The following DDR2 variants were observed in gnomAD, a reference collection of about 807,000 sequenced individuals.
The protein encoded by DDR2 is discoidin domain receptor tyrosine kinase 2.
A neutral mutation model predicts 94.9 loss-of-function variants in DDR2; 27 were observed. The observed-to-expected ratio is 0.28, with a 90% CI of 0.21 to 0.39. The LOEUF is 0.39. Ranked by LOEUF, DDR2 falls within the 10% of genes least tolerant of loss-of-function variation. DDR2 has a pLI of 1.00. For synonymous variants in DDR2, 382 were observed against 377.2 expected (o/e 1.01, Z -0.15); for missense variants, 783 against 1,076.0 (o/e 0.73, Z 3.81).
intron 3 of DDR2, among the ~76,000 whole-genome samples, chr1:162,747,364 C>T (rs780693511): frequency 9.9e-5 from 15 of 152,128 alleles, no homozygotes; most frequent in Non-Finnish European, 1.8e-4. Flanking sequence ...ACGAGAACTA[C>T]GTGATGCATG....
At chr1:162,717,197 C>T (rs1201794783) in intron 2 of DDR2, among the ~76,000 whole-genome samples, 1 of 151,954 alleles carries the variant, frequency 6.6e-6, no homozygotes, top group Non-Finnish European at 1.5e-5. Context: ...CACCAAGCCT[C>T]GCTAATTTTT....
chr1:162,671,406 G>A (rs1658832214), intron 2 of DDR2, among the ~76,000 whole-genome samples: 1 of 152,180 alleles, frequency 6.6e-6, no homozygotes, highest in Non-Finnish European at 1.5e-5. Context: ...TTAATAAATA[G>A]CAATGATCAT....
intron 3 of DDR2, among the ~76,000 whole-genome samples, chr1:162,719,911 T>C (rs983970225): frequency 6.6e-6 from 1 of 152,130 alleles, no homozygotes; most frequent in African/African-American, 2.4e-5. Context: ...GGGGCAACTT[T>C]GCTGTGTTCT....
At chr1:162,733,897 G>T (rs886990796) in intron 3 of DDR2, among the ~76,000 whole-genome samples, 1 of 152,170 alleles carries the variant, frequency 6.6e-6, no homozygotes, top group Non-Finnish European at 1.5e-5. Flanking sequence ...CCCATACCAC[G>T]TTTTAGTATT....
chr1:162,646,590 C>A (rs1356381504), intron 1 of DDR2, among the ~76,000 whole-genome samples: 1 of 152,180 alleles, frequency 6.6e-6, no homozygotes, highest in Non-Finnish European at 1.5e-5. Context: ...AACGCCCAAG[C>A]CTTACACACT....
intron 3 of DDR2, among the ~76,000 whole-genome samples, chr1:162,730,058 C>CTTTATAAA (rs1661953788): frequency 1.6e-5 from 1 of 64,188 alleles, no homozygotes; most frequent in Non-Finnish European, 3.1e-5. Context: ...TTTTTTTTTG[C>CTTTATAAA]AAAAAAAAAA....
In DDR2 at chr1:162,729,955, C is replaced by T. The variant is rs774504648; in HGVS notation, c.82+10810C>T. On this transcript the variant is annotated intron_variant, in intron 3 of 17. Coordinates refer to ENST00000367921, the MANE Select transcript of DDR2 (RefSeq NM_006182.4). The stretch of plus-strand genomic sequence containing the variant: ...ACGAGGTTTCTCCATGTTGGTCAGG[C>T]TGGTCTCGAACTCCCGACCTCAGGT... 8.0e-5 allele frequency among the ~76,000 whole-genome samples: 12 copies of T among 149,494 alleles called. 1 individual carries two copies. Among genetic ancestry groups the T allele is most frequent in the Non-Finnish European group, 1.3e-4 (9 of 67,772 alleles).
chr1:162,741,288 A>G (rs139229245), intron 3 of DDR2, among the ~76,000 whole-genome samples: 4,519 of 140,832 alleles, frequency 0.032, 227 homozygotes, highest in African/African-American at 0.1. Context: ...ATAATATAAT[A>G]TAATATAATA....
intron 1 of DDR2, among the ~76,000 whole-genome samples, chr1:162,652,357 C>T (rs1338869657): frequency 6.6e-6 from 1 of 152,134 alleles, no homozygotes; most frequent in Non-Finnish European, 1.5e-5. Flanking sequence ...CTGTTGGTGC[C>T]CATCTTCCTG....
chr1:162,658,829 A>AAATAAAT lies in DDR2; in HGVS notation c.-28+3457_-28+3458insTAAATAA, dbSNP rs60623253. Among the ~76,000 whole-genome samples, 153 of 133,700 alleles carry AAATAAAT rather than the reference A, an allele frequency of 1.1e-3. 2 individuals are homozygous for AAATAAAT. The highest frequency in any genetic ancestry group is 2.7e-3 in the Admixed American group (35 of 12,808). The allele number at this position is 133,700 out of a possible 152,430, so 87.7% of individuals were successfully genotyped here. A position where few individuals can be genotyped will look rare whatever the true frequency, so the allele number is the denominator to read the frequency against. Reference sequence around the variant, plus strand: ...GTGACAGAATGAGACCCTGTCTCAAAAAATAAATAAATAAATAAATAAAAG... The same window carrying AAATAAAT: ...GTGACAGAATGAGACCCTGTCTCAAAAATAAATAAATAAATAAATAAATAAATAAAAG... On this transcript the variant is annotated intron_variant, in intron 2 of 17. Coordinates refer to ENST00000367921, the MANE Select transcript of DDR2 (RefSeq NM_006182.4).
chr1:162,766,776 G>A (rs1469606397), intron 10 of DDR2, among the ~76,000 whole-genome samples: 3 of 152,284 alleles, frequency 2.0e-5, no homozygotes, highest in Non-Finnish European at 2.9e-5. Context: ...GCTCACACCT[G>A]TAATCCCAGC....
chr1:162,719,181 C>T (rs1382422963), intron 3 of DDR2, 36 bp downstream of exon 3: 2 of 1,613,206 alleles, frequency 1.2e-6, no homozygotes, highest in Non-Finnish European at 1.7e-6. Flanking sequence ...TGCTAGAAGA[C>T]CAGCAGAATG....
chr1:162,638,130 C>T (rs1327020088), intron 1 of DDR2, among the ~76,000 whole-genome samples: 1 of 152,146 alleles, frequency 6.6e-6, no homozygotes, highest in African/African-American at 2.4e-5. Context: ...AAGTGATTCT[C>T]CTGCCTCAGC....
chr1:162,681,087 C>T (rs932638401), intron 2 of DDR2, among the ~76,000 whole-genome samples: 1 of 152,190 alleles, frequency 6.6e-6, no homozygotes, highest in African/African-American at 2.4e-5. Flanking sequence ...CTGGGCTCTG[C>T]TTCCCCTTTT....
chr1:162,740,358 G>A (rs1026013150), intron 3 of DDR2, among the ~76,000 whole-genome samples: 32 of 152,194 alleles, frequency 2.1e-4, no homozygotes, highest in African/African-American at 7.0e-4. Context: ...GAGAATGCTA[G>A]CATAATAACT....
chr1:162,687,983 T>C (rs1235204065), intron 2 of DDR2, among the ~76,000 whole-genome samples: 2 of 152,206 alleles, frequency 1.3e-5, no homozygotes, highest in Non-Finnish European at 2.9e-5. Flanking sequence ...CCCAGTGTAC[T>C]AAAAGTTTCC....
In DDR2 at chr1:162,755,263, T is replaced by C. The variant is rs1284534137; in HGVS notation, c.525T>C (p.Asn175=). 2 of 1,613,884 alleles carry C rather than the reference T, an allele frequency of 1.2e-6. No homozygotes were observed. The highest frequency in any genetic ancestry group is 1.7e-6 in the Non-Finnish European group (2 of 1,180,014). ...TTCCAGTCACCGACCACTCCATGAA[T>C]GTGTGTATGAGAGTGGAGCTTTACG... ...RFIPVTDHSM[N]VCMRVELYGC... Residue 175 remains asparagine (N), a synonymous_variant, in exon 6 of 18, where the codon AAT becomes AAC. Transcript: ENST00000367921.
At chr1:162,663,848 C>T (rs888100833) in intron 2 of DDR2, among the ~76,000 whole-genome samples, 10 of 152,060 alleles carry the variant, frequency 6.6e-5, no homozygotes, top group Non-Finnish European at 8.8e-5. Flanking sequence ...ACACACAGGC[C>T]GTGAAAATCA....
chr1:162,635,488 C>G (rs1037587665), intron 1 of DDR2, among the ~76,000 whole-genome samples: 1 of 152,178 alleles, frequency 6.6e-6, no homozygotes, highest in African/African-American at 2.4e-5. Context: ...TAAAAGTGGA[C>G]CTCCACAGAC....
Sources: allele counts gnomAD v4.1 joint callset (sites outside exome capture counted in the v4.1 genomes callset), GRCh38; gene constraint gnomAD v4.1.1; transcripts MANE v1.5; gene names NCBI Gene and HGNC (gene_info 2026-07-23, HGNC 2026-07-21).